PARD3B: variants seen among roughly 807,000 people sequenced by gnomAD.
PARD3B encodes par-3 family cell polarity regulator beta, also known as partitioning defective 3 homolog B.
Under a neutral mutation model 130.2 loss-of-function variants are expected in PARD3B, and 103 were observed. That is an observed-to-expected ratio of 0.79 (90% confidence interval 0.67 to 0.93). PARD3B has a LOEUF of 0.93. Among genes scored for constraint, PARD3B ranks in the 40% least tolerant of loss-of-function variants. PARD3B has a pLI of 0.00. For synonymous variants in PARD3B, 583 were observed against 553.2 expected (o/e 1.05, Z -0.76); for missense variants, 1,609 against 1,499.2 (o/e 1.07, Z -1.21).
At chr2:204,940,231 A>C (rs1252928494) in intron 2 of PARD3B, among the ~76,000 whole-genome samples, 1 of 152,210 alleles carries the variant, frequency 6.6e-6, no homozygotes, top group Admixed American at 6.5e-5. Flanking sequence ...GTTGTTGGAC[A>C]AAGAACTCTG....
At chr2:205,344,649 C>G (rs565619029) in intron 18 of PARD3B, among the ~76,000 whole-genome samples, 1 of 152,340 alleles carries the variant, frequency 6.6e-6, no homozygotes, top group Non-Finnish European at 1.5e-5. Flanking sequence ...ATGAGCATTT[C>G]TGGTTCTCAC....
At position 205,558,271 on chromosome 2, in the gene PARD3B, T is replaced by C. The variant is rs751867458; in HGVS notation, c.3260+4868T>C. Among the ~76,000 whole-genome samples the C allele has an allele frequency of 6.6e-6, 1 of 151,888 alleles. No individual in the cohort carries two copies. The highest frequency in any genetic ancestry group is 1.5e-5 in the Non-Finnish European group (1 of 67,960). ...TGGTAGAGGCCATACCCAGGGCGAG[T>C]TAACCAGGAAGGTGGAGCATGATGC... On this transcript the variant is annotated intron_variant, in intron 22 of 22. Coordinates refer to ENST00000406610, the MANE Select transcript of PARD3B (RefSeq NM_001302769.2). The surrounding 1 kb of genome is among the most constrained non-coding windows in gnomAD (Gnocchi z 4.8).
chr2:205,360,853 T>A (rs1335867526), intron 18 of PARD3B, among the ~76,000 whole-genome samples: 2 of 152,260 alleles, frequency 1.3e-5, no homozygotes, highest in Admixed American at 1.3e-4. Context: ...TATCAAGTTC[T>A]TCTGCATATA....
chr2:205,534,031 A>G (rs10932116), intron 21 of PARD3B, among the ~76,000 whole-genome samples: 70,386 of 150,326 alleles, frequency 0.47, 18,441 homozygotes, highest in Middle Eastern at 0.71. Context: ...GAAGGAAAAG[A>G]GATAAAAGAA....
At chr2:204,804,162 G>A (rs1331296220) in intron 2 of PARD3B, among the ~76,000 whole-genome samples, 1 of 152,176 alleles carries the variant, frequency 6.6e-6, no homozygotes, top group Non-Finnish European at 1.5e-5. Context: ...CCATGAGGTG[G>A]AGGTTGCAGT....
intron 2 of PARD3B, among the ~76,000 whole-genome samples, chr2:204,723,691 A>T (rs1286244757): frequency 3.9e-5 from 6 of 152,078 alleles, no homozygotes; most frequent in Non-Finnish European, 7.4e-5. Flanking sequence ...GTGTAGTGTG[A>T]TAAGTCATTC....
intron 8 of PARD3B, among the ~76,000 whole-genome samples, chr2:205,123,613 A>G (rs1182393808): frequency 1.3e-5 from 2 of 151,592 alleles, no homozygotes; most frequent in African/African-American, 2.4e-5. Context: ...AGATAGGAAA[A>G]TAATCAGAAA....
intron 18 of PARD3B, among the ~76,000 whole-genome samples, chr2:205,335,290 G>A (rs1399004841): frequency 6.6e-6 from 1 of 152,204 alleles, no homozygotes; most frequent in African/African-American, 2.4e-5. Flanking sequence ...GGAACAGACA[G>A]CAAATGTCTA....
intron 3 of PARD3B, among the ~76,000 whole-genome samples, chr2:204,990,122 A>G (rs1693526048): frequency 6.6e-6 from 1 of 152,116 alleles, no homozygotes; most frequent in African/African-American, 2.4e-5. Context: ...TTTTATGGAT[A>G]TGAAATATTT....
intron 2 of PARD3B, among the ~76,000 whole-genome samples, chr2:204,748,166 G>T (rs1051795923): frequency 6.6e-6 from 1 of 152,084 alleles, no homozygotes; most frequent in Admixed American, 6.6e-5. Flanking sequence ...CTCAAAGACA[G>T]GTTGGAATGC....
chr2:204,609,277 ATGGCAT>A (rs1398860610), intron 1 of PARD3B, among the ~76,000 whole-genome samples: 3 of 152,190 alleles, frequency 2.0e-5, no homozygotes, highest in Non-Finnish European at 2.9e-5. Flanking sequence ...CAATTGGAAA[ATGGCAT>A]CTCGGAAGGA....
intron 2 of PARD3B, among the ~76,000 whole-genome samples, chr2:204,915,565 A>T (rs2047411786): frequency 6.6e-6 from 1 of 152,156 alleles, no homozygotes; most frequent in Non-Finnish European, 1.5e-5. Context: ...ATACCTCTAA[A>T]ATTTAGTTGT....
intron 2 of PARD3B, among the ~76,000 whole-genome samples, chr2:204,910,788 T>G (rs1027519785): frequency 6.6e-6 from 1 of 152,078 alleles, no homozygotes; most frequent in Non-Finnish European, 1.5e-5. Context: ...ACTACAGGCG[T>G]GCACCACTAC....
intron 5 of PARD3B, 149 bp downstream of exon 5, chr2:205,104,663 C>G (rs1703072881): frequency 1.7e-6 from 1 of 583,736 alleles, no homozygotes. Flanking sequence ...TTACTTAATT[C>G]TTCTTTTCTA....
At chr2:205,178,862 A>G (rs1056043268) in intron 13 of PARD3B, among the ~76,000 whole-genome samples, 4 of 152,320 alleles carry the variant, frequency 2.6e-5, no homozygotes, top group East Asian at 1.9e-4. Flanking sequence ...TCCTAATGCT[A>G]TACTATAATT....
In PARD3B at chr2:205,618,646, C is replaced by T. The variant is rs1277871353; in HGVS notation, c.*2833C>T. 1 of 152,168 alleles carries T rather than the reference C, an allele frequency of 6.6e-6. No individual in the cohort carries two copies. The highest frequency in any genetic ancestry group is 2.4e-5 in the African/African-American group (1 of 41,406). The allele number at this position is 152,168 out of a possible 1,614,324, so 9.4% of individuals were successfully genotyped here. A position where few individuals can be genotyped will look rare whatever the true frequency, so the allele number is the denominator to read the frequency against. Reference sequence around the variant, plus strand: ...TGAAGGCCGTGAAATGATGTTTGCCCTCAAGTCACTAGATATTTTAAGAAG... The same window carrying T: ...TGAAGGCCGTGAAATGATGTTTGCCTTCAAGTCACTAGATATTTTAAGAAG... On this transcript the variant is annotated 3_prime_UTR_variant, in exon 23 of 23. Coordinates refer to ENST00000406610, the MANE Select transcript of PARD3B (RefSeq NM_001302769.2).
chr2:205,500,124 G>T, intron 21 of PARD3B, 93 bp downstream of exon 21: 1 of 1,381,934 alleles, frequency 7.2e-7, no homozygotes, highest in Non-Finnish European at 9.8e-7. Context: ...GTACATACCA[G>T]ATTCTATTTA....
chr2:205,056,585 C>T (rs1268055733), intron 4 of PARD3B, among the ~76,000 whole-genome samples: 1 of 147,686 alleles, frequency 6.8e-6, no homozygotes, highest in East Asian at 2.0e-4. Context: ...AGACTAAAAC[C>T]ATTAAAAAAA....
intron 12 of PARD3B, among the ~76,000 whole-genome samples, chr2:205,172,856 T>C (rs2035252955): frequency 6.6e-6 from 1 of 152,208 alleles, no homozygotes; most frequent in Admixed American, 6.5e-5. Context: ...GCTCATGTTA[T>C]TAAATAAATG....
Sources: allele counts gnomAD v4.1 joint callset (sites outside exome capture counted in the v4.1 genomes callset), GRCh38; gene constraint gnomAD v4.1.1; non-coding constraint Gnocchi (gnomAD v3.1); transcripts MANE v1.5; gene names NCBI Gene and HGNC (gene_info 2026-07-23, HGNC 2026-07-21).